MTA3: variants seen among roughly 807,000 people sequenced by gnomAD.
MTA3 encodes the protein metastasis-associated protein MTA3.
Under a neutral mutation model 83.5 loss-of-function variants are expected in MTA3, and 34 were observed. The observed-to-expected ratio is 0.41, with a 90% CI of 0.31 to 0.54. The LOEUF (loss-of-function observed/expected upper bound fraction) is 0.54. Ranked by LOEUF, MTA3 falls within the 20% of genes least tolerant of loss-of-function variation. The pLI, the probability that MTA3 is intolerant of heterozygous loss-of-function variation, is 0.33. For missense variants in MTA3, 761 were observed against 726.4 expected, an observed-to-expected ratio of 1.05 and a Z score of -0.55; for synonymous variants, 303 against 252.7, an observed-to-expected ratio of 1.20 and a Z score of -1.89.
chr2:42,545,179 G>A (rs1239617414), intron 2 of MTA3, among the ~76,000 whole-genome samples: 1 of 152,022 alleles, frequency 6.6e-6, no homozygotes, highest in African/African-American at 2.4e-5. Flanking sequence ...GGAGTTTGAG[G>A]CCAGCCTGGG....
At position 42,710,000 on chromosome 2, in the gene MTA3, G is replaced by A. The variant is rs533316762; in HGVS notation, c.1525+904G>A. 2.1e-4 allele frequency among the ~76,000 whole-genome samples: 32 copies of A among 152,222 alleles called. 1 individual carries two copies. In the South Asian group the frequency reaches 6.4e-3, roughly 31 times the overall value. ...TGTTAGCTCTGGAGTCACATTCCAGGCTAGCATGTTAGAGCCGTGCAGCTT... is the reference window on the plus strand; with the variant it reads ...TGTTAGCTCTGGAGTCACATTCCAGACTAGCATGTTAGAGCCGTGCAGCTT... On this transcript the variant is annotated intron_variant, in intron 14 of 16. Transcript: ENST00000405094.
intron 2 of MTA3, among the ~76,000 whole-genome samples, chr2:42,548,472 T>C (rs2103764546): frequency 6.6e-6 from 1 of 150,928 alleles, no homozygotes; most frequent in East Asian, 2.0e-4. Flanking sequence ...TCTCAAAATA[T>C]ACGTATATAC....
chr2:42,567,952 T>C (rs1047851523), upstream of MTA3: 1 of 152,194 alleles, frequency 6.6e-6, no homozygotes, highest in African/African-American at 2.4e-5. Context: ...GTTGGACAGT[T>C]GGTTCTGCTC....
In MTA3 at chr2:42,586,612, ACAC is replaced by A. The variant is rs1680357473; in HGVS notation, c.190+7413_190+7415del. On this transcript the variant is annotated intron_variant, in intron 3 of 16. Coordinates refer to ENST00000405094, the MANE Select transcript of MTA3 (RefSeq NM_001330442.2). ...CACACACACACACACACACACACAC[ACAC>A]ATCGTTGGCTGGGCACTGTGGCTCC... Among the ~76,000 whole-genome samples the A allele has an allele frequency of 2.7e-5, 3 of 112,422 alleles. No homozygotes were observed. In the South Asian group the frequency reaches 9.4e-4, roughly 35 times the overall value. The allele number at this position is 112,422 out of a possible 152,430, so 73.8% of individuals were successfully genotyped here. A position where few individuals can be genotyped will look rare whatever the true frequency, so the allele number is the denominator to read the frequency against.
At chr2:42,725,521 G>C (rs1355561834) in intron 16 of MTA3, among the ~76,000 whole-genome samples, 2 of 152,216 alleles carry the variant, frequency 1.3e-5, no homozygotes, top group African/African-American at 2.4e-5. Context: ...AATCAACAGA[G>C]AACATGGGGC....
chr2:42,756,821 C>A lies in MTA3; in HGVS notation c.*3422C>A, dbSNP rs1212078481. 7.1e-6 allele frequency: 7 copies of A among 985,438 alleles called. No individual in the cohort carries two copies. The highest frequency in any genetic ancestry group is 8.4e-6 in the Non-Finnish European group (7 of 829,950). 61.0% of individuals were successfully genotyped at this position (985,438 alleles called of 1,614,324 possible). On this transcript the variant is annotated 3_prime_UTR_variant, in exon 17 of 17. Transcript: ENST00000405094. ...AGCTAACCCAGAGCACGCACCTGTG[C>A]TCATGAGTGTTTCCGCAGGATAATT...
intron 8 of MTA3, 116 bp from the exon 9 acceptor site, chr2:42,682,281 TAAAA>T: frequency 4.2e-6 from 3 of 706,824 alleles, no homozygotes; most frequent in Non-Finnish European, 4.3e-6. Flanking sequence ...AAAATTTTGT[TAAAA>T]AATAAATAAG....
At chr2:42,707,856 A>C in intron 12 of MTA3, 47 bp from the exon 13 acceptor site, 1 of 1,465,638 alleles carries the variant, frequency 6.8e-7, no homozygotes. Flanking sequence ...TTGATGTTAC[A>C]AATTAAATAG....
At chr2:42,545,094 C>A (rs1676698394) in intron 2 of MTA3, among the ~76,000 whole-genome samples, 1 of 152,056 alleles carries the variant, frequency 6.6e-6, no homozygotes, top group African/African-American at 2.4e-5. Context: ...ATTTTGAATC[C>A]CAACCAGGCG....
chr2:42,642,867 A>C (rs1228272806), intron 5 of MTA3, among the ~76,000 whole-genome samples: 1 of 152,088 alleles, frequency 6.6e-6, no homozygotes, highest in Non-Finnish European at 1.5e-5. Context: ...CTAGTCTCGA[A>C]GTCCTGACCT....
chr2:42,640,249 C>T lies in MTA3; in HGVS notation c.381+13C>T. ...TCTTGATAAGGAGGTAATTCACAATCATAGTTGTTTTGTTTTTTTCTCCCT... is the reference window on the plus strand; with the variant it reads ...TCTTGATAAGGAGGTAATTCACAATTATAGTTGTTTTGTTTTTTTCTCCCT... On this transcript the variant is annotated intron_variant, in intron 5 of 16. Coordinates refer to ENST00000405094, the MANE Select transcript of MTA3 (RefSeq NM_001330442.2). 6.3e-7 allele frequency: 1 copy of T among 1,583,206 alleles called. No individual in the cohort carries two copies. Among genetic ancestry groups the T allele is most frequent in the Non-Finnish European group, 8.6e-7 (1 of 1,163,812 alleles).
intron 2 of MTA3, among the ~76,000 whole-genome samples, chr2:42,574,435 C>T (rs1678827505): frequency 6.7e-6 from 1 of 148,152 alleles, no homozygotes; most frequent in African/African-American, 2.5e-5. Flanking sequence ...CTCCTTTTCT[C>T]AAAATAACTG....
intron 2 of MTA3, among the ~76,000 whole-genome samples, chr2:42,525,796 C>G (rs1160119893): frequency 6.6e-6 from 1 of 150,836 alleles, no homozygotes; most frequent in Non-Finnish European, 1.5e-5. Context: ...AAGCTGGGAC[C>G]ACAGGTGCAC....
intron 2 of MTA3, among the ~76,000 whole-genome samples, chr2:42,522,523 C>T (rs893787442): frequency 2.0e-5 from 3 of 152,048 alleles, no homozygotes; most frequent in African/African-American, 4.8e-5. Context: ...GGACCCAGTG[C>T]GGTGGCTCAC....
chr2:42,728,420 C>T (rs1223939666), intron 16 of MTA3, among the ~76,000 whole-genome samples: 1 of 152,202 alleles, frequency 6.6e-6, no homozygotes, highest in African/African-American at 2.4e-5. Context: ...GATATCTCTT[C>T]AATACGCTGA....
intron 2 of MTA3, among the ~76,000 whole-genome samples, chr2:42,506,121 C>T (rs943058716): frequency 3.3e-5 from 5 of 151,996 alleles, no homozygotes; most frequent in Admixed American, 6.6e-5. Context: ...TTAATCTCTC[C>T]ACTTTTATAT....
At chr2:42,606,887 G>A (rs1448856883) in intron 3 of MTA3, among the ~76,000 whole-genome samples, 1 of 147,464 alleles carries the variant, frequency 6.8e-6, no homozygotes, top group Non-Finnish European at 1.5e-5. Flanking sequence ...AGACCGGCCT[G>A]GCCAACACAG....
intron 9 of MTA3, among the ~76,000 whole-genome samples, chr2:42,694,446 A>G (rs970281399): frequency 1.3e-5 from 2 of 152,180 alleles, no homozygotes; most frequent in African/African-American, 2.4e-5. Context: ...CCGATAGGAT[A>G]GGTGATTACC....
chr2:42,567,167 T>C (rs1677951275), upstream of MTA3, among the ~76,000 whole-genome samples: 1 of 152,208 alleles, frequency 6.6e-6, no homozygotes, highest in South Asian at 2.1e-4. Context: ...AGACACCTGT[T>C]ATTTGCATGG....
Sources: allele counts gnomAD v4.1 joint callset (sites outside exome capture counted in the v4.1 genomes callset), GRCh38; gene constraint gnomAD v4.1.1; transcripts MANE v1.5; gene names NCBI Gene and HGNC (gene_info 2026-07-23, HGNC 2026-07-21).